Variants in KDELR3 observed in about 807,000 individuals in gnomAD.
KDELR3 encodes ER lumen protein-retaining receptor 3.
KDELR3 carries 26 observed loss-of-function variants against 22.7 expected under a neutral mutation model. That is an observed-to-expected ratio of 1.15 (90% CI 0.84 to 1.59). The LOEUF (loss-of-function observed/expected upper bound fraction) is 1.59. KDELR3 is among the 40% of genes most tolerant of loss of function. The pLI is 0.00. For synonymous variants in KDELR3, 120 were observed against 98.2 expected (o/e 1.22, Z -1.31); for missense variants, 289 against 251.1 (o/e 1.15, Z -1.02).
At chr22:38,480,509 T>C (rs964877444) in intron 3 of KDELR3, among the ~76,000 whole-genome samples, 5 of 151,966 alleles carry the variant, frequency 3.3e-5, no homozygotes, top group Admixed American at 3.3e-4. Context: ...AAGTTATTTT[T>C]GGCCGGGCAC....
Position 38,478,075 on chromosome 22 carries a change from C to T in KDELR3, c.193-1518C>T, listed in dbSNP as rs529353258. ...TAGACATTTACAGAGCATGTGATCA[C>T]GGGCTAAAATGAGTATGTTCACATG... On this transcript the variant is annotated intron_variant, in intron 2 of 4. Coordinates refer to ENST00000216014, the MANE Select transcript of KDELR3 (RefSeq NM_006855.4). 3.2e-3 allele frequency among the ~76,000 whole-genome samples: 488 copies of T among 152,096 alleles called. 2 individuals carry two copies. Among genetic ancestry groups the T allele is most frequent in the Admixed American group, 7.0e-3 (107 of 15,276 alleles).
intron 1 of KDELR3, among the ~76,000 whole-genome samples, chr22:38,469,207 T>C (rs1470454517): frequency 6.6e-6 from 1 of 152,112 alleles, no homozygotes; most frequent in African/African-American, 2.4e-5. Flanking sequence ...GCTCCGGGGA[T>C]GAAGAGGCAT....
At chr22:38,471,088 G>A (rs934226184) in intron 1 of KDELR3, among the ~76,000 whole-genome samples, 2 of 152,316 alleles carry the variant, frequency 1.3e-5, no homozygotes, top group African/African-American at 4.8e-5. Context: ...AGGTTGCAGT[G>A]AGCTGAGATT....
rs2089618453 is a variant in KDELR3, at chr22:38,483,227, A to AG, written c.*691_*692insG. The AG allele has an allele frequency of 6.6e-6, 1 of 152,098 alleles. No individual in the cohort carries two copies. Among genetic ancestry groups the AG allele is most frequent in the South Asian group, 2.1e-4 (1 of 4,830 alleles). The allele number at this position is 152,098 out of a possible 1,614,324, so 9.4% of individuals were successfully genotyped here. On this transcript the variant is annotated 3_prime_UTR_variant, in exon 5 of 5. Coordinates refer to ENST00000216014, the MANE Select transcript of KDELR3 (RefSeq NM_006855.4). The stretch of plus-strand genomic sequence containing the variant: ...CATTTGCACAATCACTGTTTTACTT[A>AG]TGAGCAGATACAGATATATCCAAAC...
chr22:38,474,101 G>A (rs1296057046), intron 1 of KDELR3, among the ~76,000 whole-genome samples: 1 of 152,208 alleles, frequency 6.6e-6, no homozygotes, highest in Non-Finnish European at 1.5e-5. Context: ...TCAACACCTT[G>A]TAAAGTCAGT....
chr22:38,480,374 C>G (rs2089590970), intron 3 of KDELR3, among the ~76,000 whole-genome samples: 1 of 152,040 alleles, frequency 6.6e-6, no homozygotes, highest in Non-Finnish European at 1.5e-5. Context: ...CAACTCCTGA[C>G]CTCAAGTGAT....
chr22:38,472,945 C>A (rs2089534210), intron 1 of KDELR3, among the ~76,000 whole-genome samples: 1 of 152,136 alleles, frequency 6.6e-6, no homozygotes, highest in Non-Finnish European at 1.5e-5. Context: ...AGGTGATCTG[C>A]CCGCCTCGGC....
chr22:38,469,246 G>A (rs997995540), intron 1 of KDELR3, among the ~76,000 whole-genome samples: 3 of 152,238 alleles, frequency 2.0e-5, no homozygotes, highest in African/African-American at 7.2e-5. Flanking sequence ...GGCATCCCCC[G>A]GGAAGGGTGG....
chr22:38,472,113 G>A (rs1371916478), intron 1 of KDELR3, among the ~76,000 whole-genome samples: 1 of 152,176 alleles, frequency 6.6e-6, no homozygotes, highest in Non-Finnish European at 1.5e-5. Flanking sequence ...TATGTTCCAA[G>A]ACTGCCAGTG....
At chr22:38,481,632 A>T in intron 4 of KDELR3, 168 bp downstream of exon 4, 1 of 1,469,114 alleles carries the variant, frequency 6.8e-7, no homozygotes, top group South Asian at 1.4e-5. Context: ...AAATGCCATA[A>T]AAACATGCAG....
At chr22:38,473,163 G>T (rs1055413181) in intron 1 of KDELR3, among the ~76,000 whole-genome samples, 2 of 152,170 alleles carry the variant, frequency 1.3e-5, no homozygotes, top group African/African-American at 4.8e-5. Flanking sequence ...GGTGGCTCAC[G>T]CCTATAATCC....
intron 1 of KDELR3, 68 bp from the exon 2 acceptor site, chr22:38,474,455 C>A: frequency 1.6e-6 from 2 of 1,269,344 alleles, no homozygotes; most frequent in Non-Finnish European, 1.1e-6. Flanking sequence ...CCAGGCTGTG[C>A]ACCTCTTGAG....
At chr22:38,479,799 T>G in intron 3 of KDELR3, 48 bp downstream of exon 3, 2 of 1,567,316 alleles carry the variant, frequency 1.3e-6, no homozygotes, top group Non-Finnish European at 1.8e-6. Context: ...ATATGCTCCC[T>G]GCATCCTTCC....
At chr22:38,476,952 C>T (rs891370969) in intron 2 of KDELR3, among the ~76,000 whole-genome samples, 2 of 151,710 alleles carry the variant, frequency 1.3e-5, no homozygotes, top group African/African-American at 4.8e-5. Context: ...CTCTGTCGCC[C>T]AGGGTGGAGT....
chr22:38,476,470 G>T (rs896927028), intron 2 of KDELR3, among the ~76,000 whole-genome samples: 1 of 151,916 alleles, frequency 6.6e-6, no homozygotes, highest in Non-Finnish European at 1.5e-5. Context: ...TGCCCGCCTC[G>T]GCCTCCCGAA....
In KDELR3 at chr22:38,479,683, C is replaced by T. The variant is rs748937233; in HGVS notation, c.283C>T (p.Leu95=). 1 of 1,614,146 alleles carries T rather than the reference C, an allele frequency of 6.2e-7. No homozygotes were observed. The highest frequency in any genetic ancestry group is 1.3e-5 in the African/African-American group (1 of 75,050). ...TGACAGTGAGAATGACACATTCCGC[C>T]TGGAGTTTCTTCTGGTCCCAGTCAT... ...TFDSENDTFR[L]EFLLVPVIGL... The change falls in exon 3 of 5, where the codon CTG becomes TTG. Residue 95 remains leucine (L), a synonymous_variant. Transcript: ENST00000216014.
chr22:38,476,302 C>T, intron 2 of KDELR3, among the ~76,000 whole-genome samples: 1 of 151,832 alleles, frequency 6.6e-6, no homozygotes, highest in East Asian at 1.9e-4. Context: ...TCACTGCAAG[C>T]TCCGCCTCCC....
chr22:38,477,362 G>T (rs1031661342), intron 2 of KDELR3, among the ~76,000 whole-genome samples: 8 of 151,584 alleles, frequency 5.3e-5, no homozygotes, highest in Non-Finnish European at 1.2e-4. Flanking sequence ...ACACCACCAT[G>T]CCTGGCTAAT....
At position 38,482,563 on chromosome 22, in the gene KDELR3, A is replaced by C; in HGVS notation, c.*27A>C. 1 of 1,587,834 alleles carries C rather than the reference A, an allele frequency of 6.3e-7. No individual in the cohort carries two copies. Among genetic ancestry groups the C allele is most frequent in the African/African-American group, 1.3e-5 (1 of 74,390 alleles). ...GACCTTCAGAGACAGTCTACGCCTT[A>C]ACAAGCACATGAAGGAAACTATTTT... is the stretch of plus-strand genomic sequence containing the variant. On this transcript the variant is annotated 3_prime_UTR_variant, in exon 5 of 5. Transcript: ENST00000216014.
Sources: allele counts gnomAD v4.1 joint callset (sites outside exome capture counted in the v4.1 genomes callset), GRCh38; gene constraint gnomAD v4.1.1; transcripts MANE v1.5; gene names NCBI Gene and HGNC (gene_info 2026-07-23, HGNC 2026-07-21).